The following RAD54L2 variants were observed in gnomAD, a reference collection of about 807,000 sequenced individuals.
The protein encoded by RAD54L2 is helicase ARIP4.
In RAD54L2, 27 loss-of-function variants were observed where a neutral mutation model predicts 138.4. The observed-to-expected ratio is 0.20, with a 90% CI of 0.14 to 0.27. The LOEUF (loss-of-function observed/expected upper bound fraction) is 0.27, where lower values mean the gene tolerates loss of function less well. Ranked by LOEUF, RAD54L2 falls within the 10% of genes least tolerant of loss-of-function variation. RAD54L2 has a pLI of 1.00. For missense variants in RAD54L2, 1,396 were observed against 1,890.2 expected (o/e 0.74, Z 4.85); for synonymous variants, 644 against 723.2 (o/e 0.89, Z 1.76).
intron 21 of RAD54L2, among the ~76,000 whole-genome samples, chr3:51,659,810 C>T (rs1701712529): frequency 6.6e-6 from 1 of 152,214 alleles, no homozygotes; most frequent in South Asian, 2.1e-4. Flanking sequence ...TAGAACAGTG[C>T]CTGGCACATG....
intron 2 of RAD54L2, among the ~76,000 whole-genome samples, chr3:51,542,897 T>C (rs541107780): frequency 6.6e-6 from 1 of 152,272 alleles, no homozygotes; most frequent in Non-Finnish European, 1.5e-5. Context: ...TGTTCTTGTT[T>C]GGAAACAGCG....
chr3:51,578,690 G>C (rs1699539908), intron 2 of RAD54L2, among the ~76,000 whole-genome samples: 1 of 152,190 alleles, frequency 6.6e-6, no homozygotes. Flanking sequence ...GTGCTTTTGG[G>C]CGCTGGGAAG....
chr3:51,545,703 T>C (rs1171054225), intron 2 of RAD54L2, among the ~76,000 whole-genome samples: 1 of 151,986 alleles, frequency 6.6e-6, no homozygotes, highest in African/African-American at 2.4e-5. Flanking sequence ...CCTCAGCTTC[T>C]TGAGTAGCTG....
At chr3:51,601,874 T>TC (rs1202752101) in intron 3 of RAD54L2, among the ~76,000 whole-genome samples, 1 of 152,104 alleles carries the variant, frequency 6.6e-6, no homozygotes, top group Non-Finnish European at 1.5e-5. Flanking sequence ...GTTTTTTTTT[T>TC]CGAGAAAGAG....
intron 19 of RAD54L2, among the ~76,000 whole-genome samples, chr3:51,648,995 C>T (rs1444427514): frequency 6.6e-6 from 1 of 152,054 alleles, no homozygotes; most frequent in Non-Finnish European, 1.5e-5. Flanking sequence ...TCAGTGGTAA[C>T]AAACTTCTCC....
intron 2 of RAD54L2, among the ~76,000 whole-genome samples, chr3:51,577,300 G>A (rs1401393324): frequency 6.6e-6 from 1 of 152,188 alleles, no homozygotes; most frequent in African/African-American, 2.4e-5. Context: ...GTGATGTGGT[G>A]CTGAGAAGAA....
chr3:51,574,339 A>G (rs1335873825), intron 2 of RAD54L2, among the ~76,000 whole-genome samples: 1 of 152,206 alleles, frequency 6.6e-6, no homozygotes, highest in African/African-American at 2.4e-5. Flanking sequence ...AGCATGATTT[A>G]TAATCCTTTG....
Position 51,662,351 on chromosome 3 carries a change from TAATGGAG to T in RAD54L2, c.3410-74_3410-68del. On this transcript the variant is annotated intron_variant, in intron 22 of 22. Coordinates refer to ENST00000684192, the MANE Select transcript of RAD54L2 (RefSeq NM_015106.4). This position sits in a 1 kb window ranked among gnomAD's most constrained non-coding sequence, Gnocchi z 4.6. Reference sequence around the variant, plus strand: ...GGGGACTACAGGACAGGATTTTTTTTAATGGAGTTTTCTCCTCTACCCTTCTTCTCTC... The same window carrying T: ...GGGGACTACAGGACAGGATTTTTTTTTTTTCTCCTCTACCCTTCTTCTCTC... 2 of 1,361,356 alleles carry T rather than the reference TAATGGAG, an allele frequency of 1.5e-6. No homozygotes were observed. Among genetic ancestry groups the T allele is most frequent in the Middle Eastern group, 1.9e-4 (1 of 5,214 alleles). The allele number at this position is 1,361,356 out of a possible 1,614,324, so 84.3% of individuals were successfully genotyped here. A position where few individuals can be genotyped will look rare whatever the true frequency, so the allele number is the denominator to read the frequency against.
chr3:51,642,719 T>G (rs1440689215), intron 15 of RAD54L2, among the ~76,000 whole-genome samples: 3 of 152,034 alleles, frequency 2.0e-5, no homozygotes, highest in African/African-American at 7.2e-5. Context: ...TTGCCCTCAT[T>G]GAGAACCACT....
In RAD54L2 at chr3:51,599,052, A is replaced by T. The variant is rs190644814; in HGVS notation, c.139+8493A>T. Among the ~76,000 whole-genome samples, 236 of 152,280 alleles carry T rather than the reference A, an allele frequency of 1.5e-3. 1 individual carries two copies. Among genetic ancestry groups the T allele is most frequent in the Admixed American group, 6.5e-3 (99 of 15,288 alleles). On this transcript the variant is annotated intron_variant, in intron 3 of 22. Coordinates refer to ENST00000684192, the MANE Select transcript of RAD54L2 (RefSeq NM_015106.4). ...GGGGCAGTCTTGTGACTGAGCACTT[A>T]AATGGATCTGACACTATCTGACATA...
chr3:51,641,710 A>G, intron 14 of RAD54L2, 39 bp from the exon 15 acceptor site: 12 of 1,385,938 alleles, frequency 8.7e-6, no homozygotes, highest in Non-Finnish European at 9.0e-6. Context: ...TGTTCCCTCA[A>G]TTCTGGGAGC....
chr3:51,662,339 C>A lies in RAD54L2; in HGVS notation c.3410-87C>A. On this transcript the variant is annotated intron_variant, in intron 22 of 22. Transcript: ENST00000684192. This position sits in a 1 kb window ranked among gnomAD's most constrained non-coding sequence, Gnocchi z 4.6. Reference sequence around the variant, plus strand: ...TATTAGAATTTTGGGGACTACAGGACAGGATTTTTTTTAATGGAGTTTTCT... The same window carrying A: ...TATTAGAATTTTGGGGACTACAGGAAAGGATTTTTTTTAATGGAGTTTTCT... The A allele has an allele frequency of 7.7e-7, 1 of 1,301,996 alleles. No homozygotes were observed. The highest frequency in any genetic ancestry group is 1.0e-6 in the Non-Finnish European group (1 of 965,952). The allele number at this position is 1,301,996 out of a possible 1,614,324, so 80.7% of individuals were successfully genotyped here.
At chr3:51,602,460 A>G (rs1700100241) in intron 3 of RAD54L2, among the ~76,000 whole-genome samples, 1 of 152,214 alleles carries the variant, frequency 6.6e-6, no homozygotes, top group Non-Finnish European at 1.5e-5. Context: ...GATCTATAGG[A>G]CTATCAGAAT....
chr3:51,580,570 C>G (rs568445043), intron 2 of RAD54L2, among the ~76,000 whole-genome samples: 2 of 152,080 alleles, frequency 1.3e-5, no homozygotes, highest in Non-Finnish European at 2.9e-5. Flanking sequence ...TCTAGGGGCC[C>G]CACCCTAAGT....
chr3:51,547,057 TGTTG>T (rs1698716501), intron 2 of RAD54L2, among the ~76,000 whole-genome samples: 2 of 148,402 alleles, frequency 1.3e-5, no homozygotes, highest in South Asian at 4.3e-4. Flanking sequence ...GAAAGGAAGT[TGTTG>T]GTTGGCCAGG....
At chr3:51,556,951 T>A (rs1186228060) in intron 2 of RAD54L2, among the ~76,000 whole-genome samples, 4 of 152,132 alleles carry the variant, frequency 2.6e-5, no homozygotes, top group African/African-American at 9.7e-5. Flanking sequence ...GGTGAGTTCC[T>A]AGTTGCCTGG....
intron 2 of RAD54L2, among the ~76,000 whole-genome samples, chr3:51,552,729 T>C (rs572107899): frequency 3.3e-5 from 5 of 151,528 alleles, no homozygotes; most frequent in African/African-American, 1.2e-4. Flanking sequence ...CTTACTACCA[T>C]GTCCATTTTT....
Position 51,638,003 on chromosome 3 carries a change from C to T in RAD54L2, c.1683-141C>T. The T allele has an allele frequency of 1.3e-6, 1 of 762,638 alleles. No individual in the cohort carries two copies. Among genetic ancestry groups the T allele is most frequent in the South Asian group, 1.9e-5 (1 of 52,790 alleles). The allele number at this position is 762,638 out of a possible 1,614,324, so 47.2% of individuals were successfully genotyped here. A position where few individuals can be genotyped will look rare whatever the true frequency, so the allele number is the denominator to read the frequency against. ...GTTTCTTCTTGGTTGTTGAACCACT[C>T]TGCATTATTGCAAGGCTGCAGTGCA... is the stretch of plus-strand genomic sequence containing the variant. On this transcript the variant is annotated intron_variant, in intron 11 of 22. Transcript: ENST00000684192. This position sits in a 1 kb window ranked among gnomAD's most constrained non-coding sequence, Gnocchi z 4.3.
At chr3:51,617,842 C>T (rs2106772644) in intron 3 of RAD54L2, among the ~76,000 whole-genome samples, 1 of 152,296 alleles carries the variant, frequency 6.6e-6, no homozygotes, top group South Asian at 2.1e-4. Context: ...ATGATTGTGC[C>T]ACAGCACTTC....
Sources: allele counts gnomAD v4.1 joint callset (sites outside exome capture counted in the v4.1 genomes callset), GRCh38; gene constraint gnomAD v4.1.1; non-coding constraint Gnocchi (gnomAD v3.1); transcripts MANE v1.5; gene names NCBI Gene and HGNC (gene_info 2026-07-23, HGNC 2026-07-21).